Variants in TANGO2 observed in about 807,000 individuals in gnomAD.
TANGO2 encodes the protein transport and golgi organization 2 homolog, also known as transport and Golgi organization protein 2 homolog.
In TANGO2, 26 loss-of-function variants were observed where a neutral mutation model predicts 39.1. That is an observed-to-expected ratio of 0.67 (90% confidence interval 0.49 to 0.92). TANGO2 has a LOEUF of 0.92. TANGO2 is among the 40% of genes least tolerant of loss of function. TANGO2 has a pLI of 0.00. For missense variants in TANGO2, 326 were observed against 360.1 expected, an observed-to-expected ratio of 0.91 and a Z score of 0.77; for synonymous variants, 131 against 144.5, an observed-to-expected ratio of 0.91 and a Z score of 0.67.
rs184850113 is a variant in TANGO2 at position 20,037,579 on chromosome 22, A to T, written c.56+725A>T. Among the ~76,000 whole-genome samples the T allele has an allele frequency of 7.9e-5, 12 of 152,332 alleles. No homozygotes were observed. The East Asian group carries it at 2.3e-3, about 29-fold the overall frequency. ...TTTGAGTCACTGCAAAGTTGCATAG[A>T]CACCATGCTGCTTGACTTCAAGGCT... On this transcript the variant is annotated intron_variant, in intron 2 of 8. Coordinates refer to ENST00000327374, the MANE Select transcript of TANGO2 (RefSeq NM_152906.7).
chr22:20,061,827 TCCCTGCCTGTC>T, intron 7 of TANGO2, 144 bp downstream of exon 7: 1 of 1,021,090 alleles, frequency 9.8e-7, no homozygotes, highest in African/African-American at 1.6e-5. Flanking sequence ...TATCCTGTCC[TCCCTGCCTGTC>T]CCCTTGAGCC....
intron 7 of TANGO2, 112 bp from the exon 8 acceptor site, chr22:20,063,226 G>C: frequency 1.3e-6 from 1 of 765,632 alleles, no homozygotes; most frequent in Non-Finnish European, 2.2e-6. Context: ...AACCCTTGCA[G>C]TTCCCCGGCC....
chr22:20,044,211 T>C (rs1434241380), intron 3 of TANGO2, among the ~76,000 whole-genome samples: 1 of 152,192 alleles, frequency 6.6e-6, no homozygotes, highest in Non-Finnish European at 1.5e-5. Flanking sequence ...ATGGAGGCTG[T>C]GTGTGCCCTG....
At chr22:20,035,708 C>T (rs1457840800) in intron 1 of TANGO2, among the ~76,000 whole-genome samples, 1 of 152,176 alleles carries the variant, frequency 6.6e-6, no homozygotes, top group Non-Finnish European at 1.5e-5. Context: ...GTAGGGCCTG[C>T]ATCCCAGGTG....
In TANGO2 at chr22:20,061,693, CGGGTCCTGCTGGGGTG is replaced by C; in HGVS notation, c.605+11_605+26del. The C allele has an allele frequency of 6.5e-7, 1 of 1,541,912 alleles. No homozygotes were observed. Among genetic ancestry groups the C allele is most frequent in the East Asian group, 2.5e-5 (1 of 40,722 alleles). ...TCAACAATGAAGAGGCGTGAGTGGG[CGGGTCCTGCTGGGGTG>C]AGCCCCAGTGTCCCGCCACCAGGGC... On this transcript the variant is annotated intron_variant, in intron 7 of 8. Coordinates refer to ENST00000327374, the MANE Select transcript of TANGO2 (RefSeq NM_152906.7).
At chr22:20,056,756 C>T (rs1359982806) in intron 6 of TANGO2, 2 of 456,386 alleles carry the variant, frequency 4.4e-6, no homozygotes, top group East Asian at 7.0e-5. Flanking sequence ...AATGGCATTT[C>T]CCCTGGGTGC....
chr22:20,046,886 G>A (rs1361230276), intron 3 of TANGO2, among the ~76,000 whole-genome samples: 2 of 152,070 alleles, frequency 1.3e-5, no homozygotes, highest in African/African-American at 4.8e-5. Context: ...GATCCACAAG[G>A]CTGGGTAATT....
At chr22:20,063,260 C>G in intron 7 of TANGO2, 78 bp from the exon 8 acceptor site, 1 of 1,313,810 alleles carries the variant, frequency 7.6e-7, no homozygotes, top group Non-Finnish European at 1.1e-6. Flanking sequence ...AGTTAGGCCA[C>G]CAGGTGGGCT....
At chr22:20,045,263 C>T (rs2044902980) in intron 3 of TANGO2, among the ~76,000 whole-genome samples, 1 of 129,748 alleles carries the variant, frequency 7.7e-6, no homozygotes, top group Admixed American at 8.6e-5. Flanking sequence ...TAGTGAGTCC[C>T]TGTCTTTACA....
intron 4 of TANGO2, among the ~76,000 whole-genome samples, 198 bp downstream of exon 4, chr22:20,052,782 C>T (rs1218041909): frequency 6.6e-6 from 1 of 152,008 alleles, no homozygotes; most frequent in Non-Finnish European, 1.5e-5. Flanking sequence ...GGCCAGGTTA[C>T]AGAGTGGGCG....
intron 3 of TANGO2, among the ~76,000 whole-genome samples, chr22:20,043,674 C>T (rs1217362605): frequency 2.0e-5 from 3 of 152,156 alleles, no homozygotes; most frequent in Non-Finnish European, 2.9e-5. Context: ...ATGGGGGCCC[C>T]ATCATGTGAA....
In TANGO2 at chr22:20,043,354, G is replaced by C. The variant is rs780264323; in HGVS notation, c.57-1G>C. Reference sequence around the variant, plus strand: ...CCATCAGTGATGCTTTCCTCTTGCAGGCTCATCTTGGCAGCCAACAGGGAT... The same window carrying C: ...CCATCAGTGATGCTTTCCTCTTGCACGCTCATCTTGGCAGCCAACAGGGAT... On this transcript the variant is annotated splice_acceptor_variant, in intron 2 of 8. Transcript: ENST00000327374. LOFTEE classifies it high-confidence loss of function. The C allele has an allele frequency of 1.2e-5, 20 of 1,610,884 alleles. No individual in the cohort carries two copies. In the South Asian group the frequency reaches 2.2e-4, roughly 18 times the overall value.
At chr22:20,048,531 A>G (rs2045690319) in intron 3 of TANGO2, among the ~76,000 whole-genome samples, 1 of 152,000 alleles carries the variant, frequency 6.6e-6, no homozygotes, top group South Asian at 2.1e-4. Context: ...TGCTTGGGCA[A>G]TTTGGAAGTT....
In TANGO2 at chr22:20,052,388, C is replaced by G. The variant is rs1394328961; in HGVS notation, c.146-77C>G. The G allele has an allele frequency of 2.0e-6, 3 of 1,535,460 alleles. No individual in the cohort carries two copies. The African/African-American group carries it at 4.1e-5, about 21-fold the overall frequency. On this transcript the variant is annotated intron_variant, in intron 3 of 8. Transcript: ENST00000327374. ...TGAGGCAGGAGCTGGGCCGAGTATG[C>G]GTCTCCCAGGGCTGGGAACCAGGTG... is the stretch of plus-strand genomic sequence containing the variant.
Position 20,057,608 on chromosome 22 carries a change from G to T in TANGO2, c.451+1595G>T, listed in dbSNP as rs998095617. ...CAGAGACTACCAGCGAGGCAGGGAT[G>T]TGGCCCCAGAAGGTCCTGAGCTTGC... On this transcript the variant is annotated intron_variant, in intron 6 of 8. Coordinates refer to ENST00000327374, the MANE Select transcript of TANGO2 (RefSeq NM_152906.7). This position sits in a 1 kb window ranked among gnomAD's most constrained non-coding sequence, Gnocchi z 4.1. Among the ~76,000 whole-genome samples the T allele has an allele frequency of 1.3e-5, 2 of 152,242 alleles. No individual in the cohort carries two copies. The highest frequency in any genetic ancestry group is 4.8e-5 in the African/African-American group (2 of 41,464).
chr22:20,019,015 C>T (rs1419066773), upstream of TANGO2, among the ~76,000 whole-genome samples: 16 of 151,988 alleles, frequency 1.1e-4, no homozygotes, highest in African/African-American at 2.7e-4. Context: ...ACCTGGGAGG[C>T]GGAGGTTGCA....
chr22:20,044,338 C>T (rs2044653075), intron 3 of TANGO2, among the ~76,000 whole-genome samples: 1 of 152,056 alleles, frequency 6.6e-6, no homozygotes, highest in Admixed American at 6.6e-5. Context: ...GTCTGGGCAA[C>T]ATGGTAAAAC....
At position 20,053,439 on chromosome 22, in the gene TANGO2, G is replaced by A; in HGVS notation, c.268G>A (p.Glu90Lys). The A allele has an allele frequency of 6.2e-7, 1 of 1,609,106 alleles. No homozygotes were observed. The highest frequency in any genetic ancestry group is 1.7e-4 in the Middle Eastern group (1 of 6,052). Reference sequence around the variant, plus strand: ...CAGCATCTGTCCCCTGCCTACAGGTGAACTTGTCACCCACTTTCTGACCAC... The same window carrying A: ...CAGCATCTGTCCCCTGCCTACAGGTAAACTTGTCACCCACTTTCTGACCAC... Reference protein sequence around the residue: ...QLDWQARGRGELVTHFLTTDV... With the variant: ...QLDWQARGRGKLVTHFLTTDV... Residue 90 changes from glutamate to lysine, a missense_variant and splice_region_variant, in exon 5 of 9, where the codon GAA becomes AAA. Glu to Lys is a moderately conservative substitution (Grantham distance 56, BLOSUM62 1). Coordinates refer to ENST00000327374, the MANE Select transcript of TANGO2 (RefSeq NM_152906.7).
chr22:20,053,976 C>T (rs1022798593), intron 5 of TANGO2: 20 of 342,460 alleles, frequency 5.8e-5, no homozygotes, highest in Admixed American at 1.6e-4. Context: ...TTTGCCCTTC[C>T]GTGAAGTGAG....
Sources: gnomAD v4.1 joint callset for allele counts (sites outside exome capture counted in the v4.1 genomes callset) on GRCh38, gnomAD v4.1.1 for gene constraint, Gnocchi (gnomAD v3.1) non-coding constraint, MANE v1.5 for transcripts, NCBI Gene and HGNC (gene_info 2026-07-23, HGNC 2026-07-21) for gene names.